SLC12A2: variants seen among roughly 807,000 people sequenced by gnomAD.
SLC12A2 encodes solute carrier family 12 member 2, also known as Na-K-2Cl cotransporter 1.
Under a neutral mutation model 136.3 loss-of-function variants are expected in SLC12A2, and 67 were observed. The ratio of observed to expected loss-of-function variants is 0.49; its 90% CI spans 0.40 to 0.60. The LOEUF (loss-of-function observed/expected upper bound fraction) is 0.60, where lower values mean the gene tolerates loss of function less well. Ranked by LOEUF, SLC12A2 falls within the 20% of genes least tolerant of loss-of-function variation. The pLI, the probability that SLC12A2 is intolerant of heterozygous loss-of-function variation, is 0.00. For missense variants in SLC12A2, 1,322 were observed against 1,534.7 expected, an observed-to-expected ratio of 0.86 and a Z score of 2.32; for synonymous variants, 619 against 562.9, an observed-to-expected ratio of 1.10 and a Z score of -1.41.
In SLC12A2 at chr5:128,188,788, G is replaced by C. The variant is rs1429647117; in HGVS notation, c.*2157G>C. On this transcript the variant is annotated 3_prime_UTR_variant, in exon 27 of 27. Coordinates refer to ENST00000262461, the MANE Select transcript of SLC12A2 (RefSeq NM_001046.3). ...TTATAACTCACAGCATTGTTCCATT[G>C]CAGGTTTTGCAATGTTTGGGGGTAA... The C allele has an allele frequency of 6.6e-6, 1 of 151,190 alleles. No individual in the cohort carries two copies. The highest frequency in any genetic ancestry group is 1.9e-4 in the East Asian group (1 of 5,138). The allele number at this position is 151,190 out of a possible 1,614,324, so 9.4% of individuals were successfully genotyped here. A position where few individuals can be genotyped will look rare whatever the true frequency, so the allele number is the denominator to read the frequency against.
At chr5:128,127,401 G>A (rs185775197) in intron 4 of SLC12A2, among the ~76,000 whole-genome samples, 233 of 152,114 alleles carry the variant, frequency 1.5e-3, no homozygotes, top group African/African-American at 5.4e-3. Flanking sequence ...GATTACAGGC[G>A]TGAGCCACCG....
intron 4 of SLC12A2, among the ~76,000 whole-genome samples, chr5:128,126,939 T>TAC: frequency 1.2e-5 from 1 of 84,968 alleles, no homozygotes; most frequent in Non-Finnish European, 2.1e-5. Flanking sequence ...TATCACAACC[T>TAC]ACATATATAT....
chr5:128,087,486 C>T (rs1760143965), intron 1 of SLC12A2, among the ~76,000 whole-genome samples: 1 of 152,154 alleles, frequency 6.6e-6, no homozygotes, highest in African/African-American at 2.4e-5. Context: ...AGAAGTATGA[C>T]ATTGAAGCTG....
At chr5:128,140,702 C>A (rs994053629) in intron 9 of SLC12A2, among the ~76,000 whole-genome samples, 3 of 150,082 alleles carry the variant, frequency 2.0e-5, no homozygotes, top group Non-Finnish European at 2.9e-5. Context: ...GGAACCTTCC[C>A]CCCCCAAAAA....
At position 128,157,701 on chromosome 5, in the gene SLC12A2, ACT is replaced by A. The variant is rs545869824; in HGVS notation, c.2364-349_2364-348del. On this transcript the variant is annotated intron_variant, in intron 15 of 26. Coordinates refer to ENST00000262461, the MANE Select transcript of SLC12A2 (RefSeq NM_001046.3). ...GCAGTGCTCGCAGGAAGTTATGCAA[ACT>A]CTGTGAAAGAATTATTAACAGAATA... 1.8e-4 allele frequency among the ~76,000 whole-genome samples: 27 copies of A among 152,196 alleles called. No individual in the cohort carries two copies. The East Asian group carries it at 3.3e-3, about 18-fold the overall frequency.
intron 17 of SLC12A2, among the ~76,000 whole-genome samples, chr5:128,164,679 T>A (rs1278742890): frequency 6.6e-6 from 1 of 152,148 alleles, no homozygotes; most frequent in Non-Finnish European, 1.5e-5. Flanking sequence ...GTACAGTGAC[T>A]TTTTGTATAG....
intron 4 of SLC12A2, among the ~76,000 whole-genome samples, chr5:128,120,854 T>TATA (rs1013661589): frequency 3.3e-5 from 5 of 151,844 alleles, no homozygotes; most frequent in South Asian, 2.1e-4. Context: ...AAACTTAAAG[T>TATA]ATAATAATAA....
At position 128,118,739 on chromosome 5, in the gene SLC12A2, T is replaced by A. The variant is rs571702137; in HGVS notation, c.1048+4058T>A. On this transcript the variant is annotated intron_variant, in intron 4 of 26. Coordinates refer to ENST00000262461, the MANE Select transcript of SLC12A2 (RefSeq NM_001046.3). The stretch of plus-strand genomic sequence containing the variant: ...AAAAACTATTGAAATAATTTTTTTT[T>A]AATTCCAACTTCTGTAAAGCTTTTA... 7.2e-5 allele frequency among the ~76,000 whole-genome samples: 11 copies of A among 152,280 alleles called. No individual in the cohort carries two copies. The South Asian group carries it at 1.5e-3, about 20-fold the overall frequency.
Position 128,182,839 on chromosome 5 carries a change from T to G in SLC12A2, c.3213-16T>G, listed in dbSNP as rs1430111720. 5 of 1,575,294 alleles carry G rather than the reference T, an allele frequency of 3.2e-6. No homozygotes were observed. The highest frequency in any genetic ancestry group is 4.4e-6 in the Non-Finnish European group (5 of 1,147,280). On this transcript the variant is annotated splice_polypyrimidine_tract_variant and intron_variant, in intron 23 of 26. Coordinates refer to ENST00000262461, the MANE Select transcript of SLC12A2 (RefSeq NM_001046.3). ...TGAAAATACTTGTATCTTAATTCTATTTATTTTTGTTGTAGGATGGCTACT... is the reference window on the plus strand; with the variant it reads ...TGAAAATACTTGTATCTTAATTCTAGTTATTTTTGTTGTAGGATGGCTACT...
intron 4 of SLC12A2, among the ~76,000 whole-genome samples, chr5:128,124,820 A>G (rs1332525915): frequency 1.3e-5 from 2 of 152,136 alleles, no homozygotes; most frequent in Non-Finnish European, 2.9e-5. Flanking sequence ...TGAAAGTGCT[A>G]ACCCTCTAAT....
intron 1 of SLC12A2, among the ~76,000 whole-genome samples, chr5:128,100,041 C>G (rs182713001): frequency 6.6e-6 from 1 of 151,876 alleles, no homozygotes; most frequent in Admixed American, 6.6e-5. Flanking sequence ...TAATTATATC[C>G]GCTATACTTT....
chr5:128,146,477 T>C (rs1190661948), intron 10 of SLC12A2, among the ~76,000 whole-genome samples: 2 of 151,652 alleles, frequency 1.3e-5, no homozygotes, highest in African/African-American at 2.4e-5. Flanking sequence ...TTTTGAATTA[T>C]GCCTCTCAGT....
rs190511913 is a variant in SLC12A2 at position 128,089,037 on chromosome 5, G to A, written c.756+4327G>A. 2.8e-3 allele frequency among the ~76,000 whole-genome samples: 429 copies of A among 151,976 alleles called. 3 individuals carry two copies. Among genetic ancestry groups the A allele is most frequent in the African/African-American group, 9.9e-3 (410 of 41,436 alleles). On this transcript the variant is annotated intron_variant, in intron 1 of 26. Coordinates refer to ENST00000262461, the MANE Select transcript of SLC12A2 (RefSeq NM_001046.3). Reference sequence around the variant, plus strand: ...TACAAAATTAGCCAGGCGTGGTGGCGCATGCCTGTAATCCCAGCTATTTGG... The same window carrying A: ...TACAAAATTAGCCAGGCGTGGTGGCACATGCCTGTAATCCCAGCTATTTGG...
At chr5:128,150,907 A>G (rs527995554) in intron 13 of SLC12A2, among the ~76,000 whole-genome samples, 1 of 151,956 alleles carries the variant, frequency 6.6e-6, no homozygotes, top group Non-Finnish European at 1.5e-5. Flanking sequence ...TAAGGATTCA[A>G]TTTGAAACCT....
In SLC12A2 at chr5:128,103,394, C is replaced by CTT. The variant is rs147950081; in HGVS notation, c.757-9419_757-9418dup. ...AGCTGGGATTTGAGCCTATCTCTGA[C>CTT]TTGAGAACAGACACTCATTTTGCTC... is the stretch of plus-strand genomic sequence containing the variant. On this transcript the variant is annotated intron_variant, in intron 1 of 26. Coordinates refer to ENST00000262461, the MANE Select transcript of SLC12A2 (RefSeq NM_001046.3). Among the ~76,000 whole-genome samples, 564 of 152,280 alleles carry CTT rather than the reference C, an allele frequency of 3.7e-3. 4 individuals carry two copies. The highest frequency in any genetic ancestry group is 0.013 in the African/African-American group (540 of 41,554).
In SLC12A2 at chr5:128,138,985, T is replaced by G. The variant is rs1762270404; in HGVS notation, c.1621+77T>G. The G allele has an allele frequency of 4.1e-6, 4 of 967,164 alleles. No homozygotes were observed. The South Asian group carries it at 6.0e-5, about 15-fold the overall frequency. 59.9% of individuals were successfully genotyped at this position (967,164 alleles called of 1,614,324 possible). ...ACTATAAATACTTATTTTTATGACA[T>G]TTGCTAACTTTTTTAAATACAGAAA... On this transcript the variant is annotated intron_variant, in intron 9 of 26. Transcript: ENST00000262461.
intron 1 of SLC12A2, among the ~76,000 whole-genome samples, chr5:128,088,548 T>TTTG (rs1760188641): frequency 1.3e-5 from 2 of 149,992 alleles, no homozygotes; most frequent in African/African-American, 2.4e-5. Context: ...AGTTTTTTGT[T>TTTG]TTTGTTTGTT....
intron 1 of SLC12A2, among the ~76,000 whole-genome samples, chr5:128,098,869 G>T (rs186282670): frequency 5.3e-4 from 80 of 152,164 alleles, no homozygotes; most frequent in African/African-American, 1.9e-3. Flanking sequence ...TTTTTCTGAA[G>T]ATTTTCACTT....
intron 26 of SLC12A2, among the ~76,000 whole-genome samples, chr5:128,185,634 G>C (rs1368831526): frequency 1.3e-5 from 2 of 152,138 alleles, no homozygotes; most frequent in African/African-American, 4.8e-5. Flanking sequence ...GGTCACTGCT[G>C]CCACCATCCA....
Sources: allele counts gnomAD v4.1 joint callset (sites outside exome capture counted in the v4.1 genomes callset), GRCh38; gene constraint gnomAD v4.1.1; transcripts MANE v1.5; gene names NCBI Gene and HGNC (gene_info 2026-07-23, HGNC 2026-07-21).